Variants in CTIF observed in about 807,000 individuals in gnomAD.
CTIF encodes the protein CBP80/20-dependent translation initiation factor.
A neutral mutation model predicts 66.0 loss-of-function variants in CTIF; 21 were observed. That is an observed-to-expected ratio of 0.32 (90% CI 0.23 to 0.46). The LOEUF is 0.46. Among genes scored for constraint, CTIF ranks in the 20% least tolerant of loss-of-function variants. The pLI is 1.00. For missense variants in CTIF, 739 were observed against 812.7 expected (o/e 0.91, Z 1.10); for synonymous variants, 345 against 326.4 (o/e 1.06, Z -0.62).
intron 3 of CTIF, among the ~76,000 whole-genome samples, chr18:48,639,084 T>C (rs1031263942): frequency 6.6e-5 from 10 of 152,206 alleles, no homozygotes; most frequent in African/African-American, 2.4e-4. Flanking sequence ...CATGTGTGCC[T>C]GGTGCCGTGT....
chr18:48,707,602 T>A (rs137922392), intron 6 of CTIF, among the ~76,000 whole-genome samples: 1 of 151,756 alleles, frequency 6.6e-6, no homozygotes, highest in African/African-American at 2.4e-5. Flanking sequence ...TTCTCCTTTC[T>A]TCCTCCTCCT....
intron 9 of CTIF, among the ~76,000 whole-genome samples, chr18:48,807,345 T>C (rs1381404993): frequency 6.6e-6 from 1 of 152,130 alleles, no homozygotes; most frequent in Admixed American, 6.5e-5. Context: ...AAGAGAAACA[T>C]TCACAGAGAA....
intron 9 of CTIF, among the ~76,000 whole-genome samples, chr18:48,774,686 A>G (rs1202107043): frequency 6.6e-6 from 1 of 152,162 alleles, no homozygotes; most frequent in Admixed American, 6.5e-5. Flanking sequence ...GTATGCACCC[A>G]GGTCATTCAC....
At chr18:48,725,654 C>T (rs1048832724) in intron 7 of CTIF, among the ~76,000 whole-genome samples, 8 of 152,188 alleles carry the variant, frequency 5.3e-5, no homozygotes, top group African/African-American at 1.9e-4. Context: ...GGTTGATCTA[C>T]CCTTAATGGT....
intron 10 of CTIF, among the ~76,000 whole-genome samples, chr18:48,827,099 C>T (rs955830615): frequency 2.6e-5 from 4 of 152,042 alleles, no homozygotes; most frequent in Non-Finnish European, 4.4e-5. Context: ...GATGAGCGAG[C>T]CGTGGCCAGC....
Position 48,778,864 on chromosome 18 carries a change from C to G in CTIF, c.1371+17175C>G, listed in dbSNP as rs1301970370. On this transcript the variant is annotated intron_variant, in intron 9 of 11. Coordinates refer to ENST00000256413, the MANE Select transcript of CTIF (RefSeq NM_014772.3). ...GGACACATCAGTCCAGCAGGTCGCG[C>G]TGGTCCCTGGGGAGCCCAGAATGAC... 2.0e-5 allele frequency among the ~76,000 whole-genome samples: 3 copies of G among 152,320 alleles called. No homozygotes were observed. The South Asian group carries it at 6.2e-4, about 32-fold the overall frequency.
chr18:48,810,913 T>C (rs1206092428), intron 9 of CTIF, among the ~76,000 whole-genome samples: 4 of 152,034 alleles, frequency 2.6e-5, no homozygotes, highest in Non-Finnish European at 5.9e-5. Flanking sequence ...CTCTTGTTTT[T>C]ACCCATCCAT....
chr18:48,580,899 G>A (rs189556416), intron 1 of CTIF, among the ~76,000 whole-genome samples: 52 of 152,354 alleles, frequency 3.4e-4, no homozygotes, highest in African/African-American at 1.1e-3. Flanking sequence ...CCGGGGGCAC[G>A]GGATTGGATA....
chr18:48,746,458 TG>T (rs1269703344), intron 7 of CTIF, among the ~76,000 whole-genome samples: 1 of 150,870 alleles, frequency 6.6e-6, no homozygotes, highest in Admixed American at 6.6e-5. Flanking sequence ...AGGGTCTTGA[TG>T]GATGGGGAAG....
chr18:48,669,767 C>T (rs867071685), intron 5 of CTIF, among the ~76,000 whole-genome samples: 10 of 122,388 alleles, frequency 8.2e-5, no homozygotes, highest in Non-Finnish European at 1.4e-4. Flanking sequence ...TACACACACA[C>T]ATTTATAAAC....
At position 48,859,403 on chromosome 18, in the gene CTIF, G is replaced by A. The variant is rs1397698807; in HGVS notation, c.1641G>A (p.Leu547=). 9 of 1,614,028 alleles carry A rather than the reference G, an allele frequency of 5.6e-6. No individual in the cohort carries two copies. Among genetic ancestry groups the A allele is most frequent in the Admixed American group, 3.3e-5 (2 of 60,008 alleles). ...TGCCTGAGATGATGACAGAGCTCCT[G>A]GCCAGCGCACGGGACAAGATGCTGT... is the stretch of plus-strand genomic sequence containing the variant. ...EQLPEMMTEL[L]ASARDKMLCP... is the part of the protein sequence containing the mutation. Residue 547 remains leucine (L), a synonymous_variant, in exon 12 of 12, where the codon CTG becomes CTA. Transcript: ENST00000256413.
intron 1 of CTIF, among the ~76,000 whole-genome samples, chr18:48,578,005 C>A (rs1371011017): frequency 1.3e-5 from 2 of 152,246 alleles, no homozygotes; most frequent in African/African-American, 4.8e-5. Flanking sequence ...CAGCCCTAGG[C>A]AACCACTTAT....
chr18:48,692,572 G>A (rs1443899187), intron 6 of CTIF: 1 of 152,180 alleles, frequency 6.6e-6, no homozygotes, highest in Non-Finnish European at 1.5e-5. Context: ...TCAAACTTTA[G>A]CGTGCATATG....
chr18:48,811,634 T>A (rs2068260612), intron 9 of CTIF, among the ~76,000 whole-genome samples: 1 of 152,328 alleles, frequency 6.6e-6, no homozygotes, highest in South Asian at 2.1e-4. Context: ...CTACTTTAGA[T>A]ACCTGCATAA....
At chr18:48,590,008 C>T (rs911880625) in intron 1 of CTIF, among the ~76,000 whole-genome samples, 8 of 151,430 alleles carry the variant, frequency 5.3e-5, no homozygotes, top group Admixed American at 5.3e-4. Flanking sequence ...GCGAGTGCCT[C>T]GTGCTGCTGT....
intron 10 of CTIF, among the ~76,000 whole-genome samples, chr18:48,847,548 G>C (rs1487937087): frequency 1.3e-5 from 2 of 152,190 alleles, no homozygotes; most frequent in African/African-American, 4.8e-5. Flanking sequence ...CTCCACAGGA[G>C]TGTCATGAGG....
chr18:48,583,684 G>A (rs544121096), intron 1 of CTIF, among the ~76,000 whole-genome samples: 2 of 152,302 alleles, frequency 1.3e-5, no homozygotes, highest in Admixed American at 6.5e-5. Context: ...AGGGAGGATC[G>A]ATTCCACCAT....
At chr18:48,716,688 G>A (rs998608882) in intron 7 of CTIF, among the ~76,000 whole-genome samples, 9 of 152,104 alleles carry the variant, frequency 5.9e-5, no homozygotes, top group South Asian at 2.1e-4. Context: ...AGATGATCCC[G>A]CCCGACTGTC....
chr18:48,599,419 T>G (rs930569696), intron 1 of CTIF, among the ~76,000 whole-genome samples: 1 of 152,124 alleles, frequency 6.6e-6, no homozygotes, highest in African/African-American at 2.4e-5. Flanking sequence ...GAAAAGTTAG[T>G]CCTAATACCA....
Sources: gnomAD v4.1 joint callset for allele counts (sites outside exome capture counted in the v4.1 genomes callset) on GRCh38, gnomAD v4.1.1 for gene constraint, MANE v1.5 for transcripts, NCBI Gene and HGNC (gene_info 2026-07-23, HGNC 2026-07-21) for gene names.